The following MAPK4 variants were observed in gnomAD, a reference collection of about 807,000 sequenced individuals.
MAPK4 encodes Erk3-related.
A neutral mutation model predicts 47.7 loss-of-function variants in MAPK4; 22 were observed. The observed-to-expected ratio is 0.46, with a 90% CI of 0.33 to 0.66. The LOEUF (loss-of-function observed/expected upper bound fraction) is 0.66, where lower values mean the gene tolerates loss of function less well. Ranked by LOEUF, MAPK4 falls within the 30% of genes least tolerant of loss-of-function variation. The pLI, the probability that MAPK4 is intolerant of heterozygous loss-of-function variation, is 0.02. For synonymous variants in MAPK4, 390 were observed against 365.7 expected (o/e 1.07, Z -0.76); for missense variants, 736 against 831.7 (o/e 0.88, Z 1.42).
At chr18:50,698,439 T>TA (rs1909618507) in intron 2 of MAPK4, among the ~76,000 whole-genome samples, 1 of 152,144 alleles carries the variant, frequency 6.6e-6, no homozygotes, top group African/African-American at 2.4e-5. Context: ...CTTAGCAAAA[T>TA]ATATCATCAA....
chr18:50,565,406 G>A lies in MAPK4; in HGVS notation c.-871+5163G>A, dbSNP rs144553835. On this transcript the variant is annotated intron_variant, in intron 1 of 5. Transcript: ENST00000400384. ...TGGTCAGTGCTGAAGTTACTGCCTC[G>A]GGAAATGAATGAAACTCTTTTTCAG... Among the ~76,000 whole-genome samples the A allele has an allele frequency of 9.2e-4, 140 of 152,232 alleles. No homozygotes were observed. In the Middle Eastern group the frequency reaches 0.01, roughly 11 times the overall value.
chr18:50,578,451 T>A (rs1209103366), intron 1 of MAPK4, among the ~76,000 whole-genome samples: 2 of 152,202 alleles, frequency 1.3e-5, no homozygotes, highest in African/African-American at 4.8e-5. Context: ...GTCCAGGTGA[T>A]GCTGGTGGTG....
chr18:50,690,266 C>G (rs997011548), intron 2 of MAPK4, among the ~76,000 whole-genome samples: 3 of 152,228 alleles, frequency 2.0e-5, no homozygotes, highest in South Asian at 4.1e-4. Context: ...TAGCTGCACT[C>G]TGTATTTTAA....
intron 2 of MAPK4, among the ~76,000 whole-genome samples, chr18:50,684,687 C>T (rs989012037): frequency 1.3e-5 from 2 of 152,158 alleles, no homozygotes; most frequent in Non-Finnish European, 2.9e-5. Flanking sequence ...AGCTGCCACC[C>T]TCAGAGAGCA....
rs183288271 is a variant in MAPK4 at position 50,589,672 on chromosome 18, T to A, written c.-871+29429T>A. ...AACATTTTGAAGGCAAATTATCGTT[T>A]AAATCTAAATAATCTGGTCAAAGAG... On this transcript the variant is annotated intron_variant, in intron 1 of 5. Transcript: ENST00000400384. Among the ~76,000 whole-genome samples the A allele has an allele frequency of 2.4e-4, 36 of 152,322 alleles. No homozygotes were observed. The East Asian group carries it at 6.9e-3, about 29-fold the overall frequency.
rs186556792 is a variant in MAPK4 at position 50,686,742 on chromosome 18, C to A, written c.546+22238C>A. Among the ~76,000 whole-genome samples the A allele has an allele frequency of 4.8e-3, 730 of 152,310 alleles. 4 individuals carry two copies. Among genetic ancestry groups the A allele is most frequent in the Middle Eastern group, 0.02 (6 of 294 alleles). On this transcript the variant is annotated intron_variant, in intron 2 of 5. Transcript: ENST00000400384. The stretch of plus-strand genomic sequence containing the variant: ...TTATTTACCCTTGTGGTACTCACGG[C>A]CATCCAGAAGGGTATTGCCTCCTTA...
rs560574191 is a variant in MAPK4 at position 50,592,906 on chromosome 18, T to C, written c.-871+32663T>C. Among the ~76,000 whole-genome samples, 48 of 152,338 alleles carry C rather than the reference T, an allele frequency of 3.2e-4. No homozygotes were observed. In the South Asian group the frequency reaches 8.7e-3, roughly 28 times the overall value. ...ACTTAGCATCTCGCAGCATTGTCCA[T>C]TTGAATTCTAAACTCTTTACCTGTT... On this transcript the variant is annotated intron_variant, in intron 1 of 5. Coordinates refer to ENST00000400384, the MANE Select transcript of MAPK4 (RefSeq NM_002747.4).
At chr18:50,585,689 C>T (rs1049126479) in intron 1 of MAPK4, among the ~76,000 whole-genome samples, 2 of 152,182 alleles carry the variant, frequency 1.3e-5, no homozygotes, top group African/African-American at 4.8e-5. Flanking sequence ...TTAGTCCGCT[C>T]TCATGCTGCT....
chr18:50,665,201 G>A, intron 2 of MAPK4, among the ~76,000 whole-genome samples: 1 of 152,162 alleles, frequency 6.6e-6, no homozygotes, highest in Non-Finnish European at 1.5e-5. Context: ...CCACTCTGCT[G>A]GAGACAAATG....
intron 1 of MAPK4, among the ~76,000 whole-genome samples, chr18:50,585,545 A>G (rs2042380938): frequency 6.6e-6 from 1 of 152,154 alleles, no homozygotes; most frequent in African/African-American, 2.4e-5. Flanking sequence ...CAAGTCCCCC[A>G]TAATGTGCAA....
In MAPK4 at chr18:50,710,779, CTAAATAAATAAATAAA is replaced by C. The variant is rs56152549; in HGVS notation, c.547-4266_547-4251del. On this transcript the variant is annotated intron_variant, in intron 2 of 5. Coordinates refer to ENST00000400384, the MANE Select transcript of MAPK4 (RefSeq NM_002747.4). ...TGGGTGACAGAGTGAGACTCCGTCT[CTAAATAAATAAATAAA>C]TAAATAAATAAATAAATAAATAAAT... 3.9e-3 allele frequency among the ~76,000 whole-genome samples: 561 copies of C among 144,972 alleles called. 1 individual carries two copies. The highest frequency in any genetic ancestry group is 6.9e-3 in the Middle Eastern group (2 of 290).
chr18:50,720,059 G>GGA (rs1444115466), intron 3 of MAPK4, among the ~76,000 whole-genome samples: 1 of 152,166 alleles, frequency 6.6e-6, no homozygotes, highest in Admixed American at 6.5e-5. Flanking sequence ...GACATGGAAA[G>GGA]GACCTTCTTT....
At chr18:50,660,697 G>A (rs1480238338) in intron 1 of MAPK4, among the ~76,000 whole-genome samples, 1 of 152,224 alleles carries the variant, frequency 6.6e-6, no homozygotes, top group Non-Finnish European at 1.5e-5. Flanking sequence ...TAGGAAAGAA[G>A]TGAGACTTTG....
At chr18:50,655,223 G>T (rs1325382894) in intron 1 of MAPK4, among the ~76,000 whole-genome samples, 2 of 152,210 alleles carry the variant, frequency 1.3e-5, no homozygotes, top group African/African-American at 2.4e-5. Context: ...CGTCCCAGGG[G>T]GAGAAGGCTC....
At chr18:50,713,146 A>C (rs1199388471) in intron 2 of MAPK4, among the ~76,000 whole-genome samples, 1 of 152,220 alleles carries the variant, frequency 6.6e-6, no homozygotes, top group Non-Finnish European at 1.5e-5. Flanking sequence ...GCATGAATAA[A>C]TTGTTTGAGA....
rs1911506379 is a variant in MAPK4, at chr18:50,730,556, GCACCCCTGTATTTGCCT to G, written c.*711_*727del. 1 of 152,442 alleles carries G rather than the reference GCACCCCTGTATTTGCCT, an allele frequency of 6.6e-6. No homozygotes were observed. The highest frequency in any genetic ancestry group is 2.4e-5 in the African/African-American group (1 of 41,342). 9.4% of individuals were successfully genotyped at this position (152,442 alleles called of 1,614,324 possible). The stretch of plus-strand genomic sequence containing the variant: ...AAGTACTTAAATGTTCTCATCTGTC[GCACCCCTGTATTTGCCT>G]CACCCCTGCATGGTCGGAAATCTTC... On this transcript the variant is annotated 3_prime_UTR_variant, in exon 6 of 6. Coordinates refer to ENST00000400384, the MANE Select transcript of MAPK4 (RefSeq NM_002747.4).
chr18:50,728,425 A>G (rs140320654), intron 5 of MAPK4, among the ~76,000 whole-genome samples: 160 of 152,262 alleles, frequency 1.1e-3, no homozygotes, highest in Middle Eastern at 0.01. Context: ...CCCTGCGTCA[A>G]TGCAAGGTGC....
At position 50,729,952 on chromosome 18, in the gene MAPK4, C is replaced by T; in HGVS notation, c.*98C>T. 2 of 1,295,566 alleles carry T rather than the reference C, an allele frequency of 1.5e-6. No individual in the cohort carries two copies. The highest frequency in any genetic ancestry group is 2.1e-6 in the Non-Finnish European group (2 of 964,778). 80.3% of individuals were successfully genotyped at this position (1,295,566 alleles called of 1,614,324 possible). Reference sequence around the variant, plus strand: ...CGCCCTTCCCGCCCCTCTCTGCTGCCTTGGGGTTGGCAGAACACGTGAAGG... The same window carrying T: ...CGCCCTTCCCGCCCCTCTCTGCTGCTTTGGGGTTGGCAGAACACGTGAAGG... On this transcript the variant is annotated 3_prime_UTR_variant, in exon 6 of 6. Coordinates refer to ENST00000400384, the MANE Select transcript of MAPK4 (RefSeq NM_002747.4).
At chr18:50,679,432 C>T (rs566382723) in intron 2 of MAPK4, among the ~76,000 whole-genome samples, 8 of 152,218 alleles carry the variant, frequency 5.3e-5, no homozygotes, top group African/African-American at 1.9e-4. Context: ...GAAATATTTC[C>T]TACAATTCAC....
Sources: gnomAD v4.1 joint callset for allele counts (sites outside exome capture counted in the v4.1 genomes callset) on GRCh38, gnomAD v4.1.1 for gene constraint, MANE v1.5 for transcripts, NCBI Gene and HGNC (gene_info 2026-07-23, HGNC 2026-07-21) for gene names.